Variants in DHRSX observed in about 807,000 individuals in gnomAD.
DHRSX encodes the protein dehydrogenase/reductase X-linked.
A neutral mutation model predicts 34.0 loss-of-function variants in DHRSX; 31 were observed. That is an observed-to-expected ratio of 0.91 (90% confidence interval 0.69 to 1.23). DHRSX has a LOEUF of 1.23. Among genes scored for constraint, DHRSX ranks in the 50% most tolerant of loss-of-function variants. The pLI is 0.00. For missense variants in DHRSX, 414 were observed against 428.1 expected (o/e 0.97, Z 0.29); for synonymous variants, 201 against 183.8 (o/e 1.09, Z -0.76).
intron 6 of DHRSX, among the ~76,000 whole-genome samples, chrX:2,236,623 G>C (rs917011954): frequency 6.6e-6 from 1 of 152,048 alleles, no homozygotes; most frequent in African/African-American, 2.4e-5. Flanking sequence ...GTAGAGACGG[G>C]GTTTCACCAC....
chrX:2,240,758 G>A (rs2016122647), intron 6 of DHRSX, among the ~76,000 whole-genome samples: 1 of 152,112 alleles, frequency 6.6e-6, no homozygotes, highest in Admixed American at 6.6e-5. Context: ...AATGTAAAGG[G>A]AGAAATAGAA....
intron 6 of DHRSX, among the ~76,000 whole-genome samples, chrX:2,234,249 T>C (rs1461961378): frequency 2.0e-5 from 3 of 150,960 alleles, no homozygotes; most frequent in African/African-American, 7.3e-5. Context: ...CCTGCATCCA[T>C]GCACACAGCC....
intron 5 of DHRSX, among the ~76,000 whole-genome samples, chrX:2,247,286 A>G (rs1569479368): frequency 3.3e-5 from 5 of 151,898 alleles, no homozygotes; most frequent in Non-Finnish European, 7.4e-5. Flanking sequence ...CCTGTTATAA[A>G]ATGTCCAATA....
chrX:2,296,508 T>C (rs941012521), intron 3 of DHRSX, among the ~76,000 whole-genome samples: 1 of 146,390 alleles, frequency 6.8e-6, no homozygotes, highest in Non-Finnish European at 1.5e-5. Context: ...CCCAGGCAGA[T>C]AGACCCAGGC....
intron 6 of DHRSX, among the ~76,000 whole-genome samples, chrX:2,230,365 T>C (rs1484903133): frequency 2.6e-5 from 4 of 152,176 alleles, no homozygotes; most frequent in Non-Finnish European, 5.9e-5. Context: ...AAAACCTTCC[T>C]TTAACTACAA....
chrX:2,395,445 T>C (rs2043397650), intron 3 of DHRSX, among the ~76,000 whole-genome samples: 1 of 152,166 alleles, frequency 6.6e-6, no homozygotes, highest in Admixed American at 6.5e-5. Context: ...ACTTTCTCAC[T>C]GGGGTTCCAC....
rs193285274 is a variant in DHRSX, at chrX:2,419,521, A to T, written c.217+5676T>A. On this transcript the variant is annotated intron_variant, in intron 2 of 6. Transcript: ENST00000334651. The stretch of plus-strand genomic sequence containing the variant: ...CTGCTATAAAGACACACGCACACGT[A>T]TGTTTATAGCAGCACTATTCACAAT... Among the ~76,000 whole-genome samples the T allele has an allele frequency of 9.3e-3, 1,420 of 152,280 alleles. 11 individuals are homozygous for T. The highest frequency in any genetic ancestry group is 0.016 in the Non-Finnish European group (1,078 of 68,020).
chrX:2,434,030 G>A lies in DHRSX; in HGVS notation c.110-8726C>T, dbSNP rs767561777. ...CCTGATCTCGTGATCCGCCCGCCTC[G>A]GCCTCCCAAAGTGCTGGGATTACAG... On this transcript the variant is annotated intron_variant, in intron 1 of 6. Coordinates refer to ENST00000334651, the MANE Select transcript of DHRSX (RefSeq NM_145177.3). Among the ~76,000 whole-genome samples the A allele has an allele frequency of 1.4e-3, 212 of 152,022 alleles. 2 individuals are homozygous for A. Among genetic ancestry groups the A allele is most frequent in the African/African-American group, 4.8e-3 (197 of 41,452 alleles).
At chrX:2,298,618 A>ACGCACACACACGCACACG (rs2041969399) in intron 3 of DHRSX, among the ~76,000 whole-genome samples, 1 of 135,364 alleles carries the variant, frequency 7.4e-6, no homozygotes, top group African/African-American at 3.8e-5. Flanking sequence ...ACACACACAC[A>ACGCACACACACGCACACG]CACACACACA....
At chrX:2,432,103 A>C (rs1381101840) in intron 1 of DHRSX, among the ~76,000 whole-genome samples, 5 of 152,238 alleles carry the variant, frequency 3.3e-5, no homozygotes, top group Admixed American at 6.5e-5. Context: ...CTGAGGCAGG[A>C]GGATCGCTTG....
intron 1 of DHRSX, among the ~76,000 whole-genome samples, chrX:2,443,181 C>A (rs915307606): frequency 3.6e-4 from 55 of 152,138 alleles, no homozygotes; most frequent in African/African-American, 1.2e-3. Context: ...CAGATGCACA[C>A]CACCATGTCC....
intron 3 of DHRSX, among the ~76,000 whole-genome samples, chrX:2,329,571 T>G (rs2042431628): frequency 6.6e-6 from 1 of 152,130 alleles, no homozygotes; most frequent in Non-Finnish European, 1.5e-5. Context: ...CTACTAGGCA[T>G]AGATATTTTC....
intron 3 of DHRSX, among the ~76,000 whole-genome samples, chrX:2,406,566 G>C (rs1474593893): frequency 6.6e-6 from 1 of 151,600 alleles, no homozygotes; most frequent in Non-Finnish European, 1.5e-5. Context: ...TCAGCCTCCT[G>C]AGTAGCTGGG....
chrX:2,455,088 G>A (rs181715513), intron 1 of DHRSX, among the ~76,000 whole-genome samples: 14 of 147,876 alleles, frequency 9.5e-5, no homozygotes, highest in South Asian at 8.6e-4. Context: ...CTCCAGCCTG[G>A]GCAACAAGAG....
chrX:2,485,317 C>T (rs1340977368), intron 1 of DHRSX, among the ~76,000 whole-genome samples: 1 of 151,972 alleles, frequency 6.6e-6, no homozygotes, highest in Admixed American at 6.6e-5. Context: ...AAATGAACCC[C>T]TTTCAACCCA....
intron 1 of DHRSX, among the ~76,000 whole-genome samples, chrX:2,448,528 T>C (rs1486003893): frequency 1.3e-5 from 2 of 148,820 alleles, no homozygotes; most frequent in Admixed American, 6.7e-5. Context: ...TATGTGAATA[T>C]GTTAATTAGC....
intron 4 of DHRSX, among the ~76,000 whole-genome samples, chrX:2,273,046 G>A (rs759676989): frequency 1.3e-5 from 2 of 152,288 alleles, no homozygotes; most frequent in South Asian, 2.1e-4. Context: ...ACCAAGGCGG[G>A]CAGATCACCT....
chrX:2,268,336 T>C (rs1027257524), intron 4 of DHRSX, among the ~76,000 whole-genome samples: 13 of 152,254 alleles, frequency 8.5e-5, no homozygotes, highest in Admixed American at 5.9e-4. Flanking sequence ...TGTATTTGTA[T>C]GTACATGGAT....
Position 2,269,959 on chromosome X carries a change from AC to A in DHRSX, c.389-3013del. ...TCTTTTTCTATGCATATGCATTTGT[AC>A]ACGTGCTTGTGTTTGTGTGTATCTT... On this transcript the variant is annotated intron_variant, in intron 4 of 6. Coordinates refer to ENST00000334651, the MANE Select transcript of DHRSX (RefSeq NM_145177.3). Among the ~76,000 whole-genome samples, 7 of 152,240 alleles carry A rather than the reference AC, an allele frequency of 4.6e-5. 1 individual carries two copies. The Middle Eastern group carries it at 0.017, about 370-fold the overall frequency.
Sources: allele counts gnomAD v4.1 joint callset (sites outside exome capture counted in the v4.1 genomes callset), GRCh38; gene constraint gnomAD v4.1.1; transcripts MANE v1.5; gene names NCBI Gene and HGNC (gene_info 2026-07-23, HGNC 2026-07-21).